SYT1: variants seen among roughly 807,000 people sequenced by gnomAD.
SYT1 encodes the protein synaptotagmin-1.
A neutral mutation model predicts 44.8 loss-of-function variants in SYT1; 8 were observed. The observed-to-expected ratio is 0.18, with a 90% CI of 0.10 to 0.32. SYT1 has a LOEUF of 0.32. SYT1 is among the 10% of genes least tolerant of loss of function. SYT1 has a pLI of 1.00. For missense variants in SYT1, 286 were observed against 509.3 expected, an observed-to-expected ratio of 0.56 and a Z score of 4.22; for synonymous variants, 154 against 188.8, an observed-to-expected ratio of 0.82 and a Z score of 1.51.
intron 3 of SYT1, among the ~76,000 whole-genome samples, chr12:79,175,923 A>C (rs527933691): frequency 1.3e-3 from 205 of 152,242 alleles, no homozygotes; most frequent in Admixed American, 2.9e-3. Flanking sequence ...TTTTAATGTT[A>C]AAATAATTGG....
intron 1 of SYT1, among the ~76,000 whole-genome samples, chr12:78,958,037 T>C (rs1298146681): frequency 6.6e-6 from 1 of 152,194 alleles, no homozygotes; most frequent in African/African-American, 2.4e-5. Flanking sequence ...GTTATAATTC[T>C]GTTCAAACTA....
intron 3 of SYT1, among the ~76,000 whole-genome samples, chr12:79,179,387 G>GCTATAGATATCC (rs1872282145): frequency 2.8e-4 from 1 of 3,616 alleles, no homozygotes; most frequent in East Asian, 0.012. Flanking sequence ...TAGATATATC[G>GCTATAGATATCC]ATATAGATAT....
At chr12:79,263,870 G>T (rs1342708751) in intron 4 of SYT1, among the ~76,000 whole-genome samples, 3 of 150,548 alleles carry the variant, frequency 2.0e-5, no homozygotes, top group Non-Finnish European at 3.0e-5. Context: ...TTTTAAGTAT[G>T]AGCACAGACA....
intron 4 of SYT1, among the ~76,000 whole-genome samples, chr12:79,265,378 T>A (rs1374598425): frequency 6.6e-6 from 1 of 152,134 alleles, no homozygotes; most frequent in Admixed American, 6.5e-5. Flanking sequence ...GCCCTGTTGT[T>A]GTTATGATTA....
intron 1 of SYT1, among the ~76,000 whole-genome samples, chr12:78,880,131 C>A (rs1874375136): frequency 1.3e-5 from 2 of 151,582 alleles, no homozygotes; most frequent in Non-Finnish European, 3.0e-5. Context: ...TGATTAGTAA[C>A]TTCTTCCCCA....
intron 3 of SYT1, among the ~76,000 whole-genome samples, chr12:79,146,685 A>G (rs988662474): frequency 6.6e-6 from 1 of 152,198 alleles, no homozygotes; most frequent in African/African-American, 2.4e-5. Context: ...TAAACTTTAA[A>G]ACATGACCTT....
intron 1 of SYT1, among the ~76,000 whole-genome samples, chr12:78,920,988 C>T (rs1040989033): frequency 6.6e-6 from 1 of 151,800 alleles, no homozygotes; most frequent in Non-Finnish European, 1.5e-5. Flanking sequence ...TATCTATTTT[C>T]TTCTCTGCAT....
chr12:79,407,192 C>T (rs562897650), intron 9 of SYT1, among the ~76,000 whole-genome samples: 4 of 152,142 alleles, frequency 2.6e-5, no homozygotes, highest in East Asian at 1.9e-4. Flanking sequence ...AGAACTCCCC[C>T]GGGATGATCT....
intron 1 of SYT1, among the ~76,000 whole-genome samples, chr12:78,958,620 G>A (rs1879338620): frequency 6.6e-6 from 1 of 151,970 alleles, no homozygotes; most frequent in Admixed American, 6.6e-5. Flanking sequence ...ACTTGAACCT[G>A]GGAGGCAGAG....
At chr12:78,984,568 T>C (rs1439298000) in intron 2 of SYT1, among the ~76,000 whole-genome samples, 2 of 151,946 alleles carry the variant, frequency 1.3e-5, no homozygotes, top group Admixed American at 1.3e-4. Flanking sequence ...AATGTGTCTA[T>C]TTACAAATAA....
At chr12:79,445,990 CATATATAT>C (rs59721146) in intron 10 of SYT1, among the ~76,000 whole-genome samples, 1,088 of 44,128 alleles carry the variant, frequency 0.025, 32 homozygotes, top group African/African-American at 0.049. Flanking sequence ...AATCCAAAGA[CATATATAT>C]ATATATATAT....
chr12:79,194,317 G>A (rs1873311227), intron 3 of SYT1, among the ~76,000 whole-genome samples: 1 of 151,972 alleles, frequency 6.6e-6, no homozygotes, highest in South Asian at 2.1e-4. Context: ...GGTATGATTG[G>A]TGTCACCTAT....
intron 2 of SYT1, among the ~76,000 whole-genome samples, chr12:79,040,475 T>C (rs1873473737): frequency 1.3e-5 from 2 of 152,110 alleles, no homozygotes; most frequent in South Asian, 2.1e-4. Flanking sequence ...GGGTTGTTTG[T>C]TTTTTTCTTG....
chr12:79,349,981 G>A (rs1882816926), intron 8 of SYT1, among the ~76,000 whole-genome samples: 1 of 152,144 alleles, frequency 6.6e-6, no homozygotes, highest in Non-Finnish European at 1.5e-5. Context: ...AGGGACAGAA[G>A]TGCTTTTCTT....
chr12:79,091,854 A>C (rs1877800594), intron 3 of SYT1, among the ~76,000 whole-genome samples: 1 of 151,990 alleles, frequency 6.6e-6, no homozygotes. Flanking sequence ...CAATAAAACT[A>C]ATTTGTTTGC....
chr12:79,022,745 C>T (rs1051817015), intron 2 of SYT1, among the ~76,000 whole-genome samples: 2 of 151,322 alleles, frequency 1.3e-5, no homozygotes, highest in African/African-American at 4.9e-5. Context: ...ACACATAAAA[C>T]CTCTCATGCA....
At chr12:79,174,023 A>C (rs1002381058) in intron 3 of SYT1, among the ~76,000 whole-genome samples, 12 of 152,062 alleles carry the variant, frequency 7.9e-5, no homozygotes, top group African/African-American at 2.9e-4. Flanking sequence ...AAGGGAAAAT[A>C]ATGAACAGAT....
At chr12:79,273,652 A>C (rs183983032) in intron 4 of SYT1, among the ~76,000 whole-genome samples, 3 of 152,264 alleles carry the variant, frequency 2.0e-5, no homozygotes, top group African/African-American at 7.2e-5. Flanking sequence ...CGAGGAGGAT[A>C]TGAGGAGCGG....
chr12:79,375,269 T>C (rs1014009612), intron 9 of SYT1, among the ~76,000 whole-genome samples: 3 of 152,210 alleles, frequency 2.0e-5, no homozygotes, highest in African/African-American at 7.2e-5. Flanking sequence ...ACTGGAGATT[T>C]CGTGGGCGCT....
Sources: allele counts gnomAD v4.1 joint callset (sites outside exome capture counted in the v4.1 genomes callset), GRCh38; gene constraint gnomAD v4.1.1; transcripts MANE v1.5; gene names NCBI Gene and HGNC (gene_info 2026-07-23, HGNC 2026-07-21).